The following GRIK1 variants were observed in gnomAD, a reference collection of about 807,000 sequenced individuals.
The protein encoded by GRIK1 is glutamate ionotropic receptor kainate type subunit 1.
A neutral mutation model predicts 105.7 loss-of-function variants in GRIK1; 69 were observed. That is an observed-to-expected ratio of 0.65 (90% CI 0.54 to 0.80). GRIK1 has a LOEUF of 0.80. Among genes scored for constraint, GRIK1 ranks in the 30% least tolerant of loss-of-function variants. The pLI is 0.00. For synonymous variants in GRIK1, 438 were observed against 431.3 expected (o/e 1.02, Z -0.19); for missense variants, 1,109 against 1,167.3 (o/e 0.95, Z 0.73).
intron 8 of GRIK1, 155 bp from the exon 9 acceptor site, chr21:29,596,725 T>G (rs1185809958): frequency 1.5e-6 from 1 of 672,018 alleles, no homozygotes; most frequent in African/African-American, 1.8e-5. Flanking sequence ...AGCCTGACAA[T>G]AGGTACAGCA....
chr21:29,768,073 T>G (rs906727781), intron 1 of GRIK1, among the ~76,000 whole-genome samples: 5 of 152,114 alleles, frequency 3.3e-5, no homozygotes, highest in African/African-American at 1.2e-4. Flanking sequence ...GAGCAAAAAG[T>G]GCTTTCCCTC....
At chr21:29,897,266 T>G (rs2070204722) in intron 1 of GRIK1, among the ~76,000 whole-genome samples, 1 of 152,094 alleles carries the variant, frequency 6.6e-6, no homozygotes, top group South Asian at 2.1e-4. Context: ...AGAGGCAGAG[T>G]GAATTTCAAG....
At chr21:29,562,680 C>T (rs1372627629) in intron 14 of GRIK1, among the ~76,000 whole-genome samples, 2 of 151,798 alleles carry the variant, frequency 1.3e-5, no homozygotes, top group Non-Finnish European at 2.9e-5. Context: ...GAAAAATCTT[C>T]ATACTGTATT....
intron 1 of GRIK1, among the ~76,000 whole-genome samples, chr21:29,935,648 A>G (rs2071722419): frequency 6.6e-6 from 1 of 152,334 alleles, no homozygotes; most frequent in African/African-American, 2.4e-5. Context: ...GTGAACAATG[A>G]TATTGTCACT....
intron 1 of GRIK1, among the ~76,000 whole-genome samples, chr21:29,897,926 C>T (rs1469260295): frequency 6.6e-6 from 1 of 152,092 alleles, no homozygotes; most frequent in Non-Finnish European, 1.5e-5. Context: ...TAGACTTGAA[C>T]AATTGTGTAA....
At chr21:29,867,886 A>AAGAGAGAGAG (rs748327047) in intron 1 of GRIK1, among the ~76,000 whole-genome samples, 59 of 129,032 alleles carry the variant, frequency 4.6e-4, no homozygotes, top group African/African-American at 6.0e-4. Context: ...AAGAGAGAGA[A>AAGAGAGAGAG]AGAGAGAGAG....
chr21:29,584,533 ATT>A (rs1205314098), intron 12 of GRIK1, among the ~76,000 whole-genome samples: 1 of 152,198 alleles, frequency 6.6e-6, no homozygotes, highest in African/African-American at 2.4e-5. Flanking sequence ...GTAATTAAAT[ATT>A]GTTTTCCTTA....
intron 1 of GRIK1, among the ~76,000 whole-genome samples, chr21:29,702,062 G>T (rs977640549): frequency 2.0e-5 from 3 of 152,106 alleles, no homozygotes; most frequent in Non-Finnish European, 4.4e-5. Flanking sequence ...CAAAGACCAC[G>T]TGTTCTCATG....
At chr21:29,726,392 C>A (rs1271772105) in intron 1 of GRIK1, among the ~76,000 whole-genome samples, 1 of 152,142 alleles carries the variant, frequency 6.6e-6, no homozygotes, top group South Asian at 2.1e-4. Flanking sequence ...CATGCACACA[C>A]ACACCCCTTC....
intron 1 of GRIK1, among the ~76,000 whole-genome samples, chr21:29,764,705 A>G (rs1047111233): frequency 1.3e-5 from 2 of 152,190 alleles, no homozygotes; most frequent in Non-Finnish European, 2.9e-5. Context: ...TCATAAGATA[A>G]CTGATTTCTA....
intron 15 of GRIK1, among the ~76,000 whole-genome samples, chr21:29,558,696 A>G (rs1420896440): frequency 6.7e-6 from 1 of 149,228 alleles, no homozygotes; most frequent in Admixed American, 6.7e-5. Context: ...ATCTCTCTGT[A>G]TTATATGTAT....
intron 1 of GRIK1, among the ~76,000 whole-genome samples, chr21:29,772,510 A>G (rs1217851766): frequency 1.3e-5 from 2 of 152,196 alleles, no homozygotes; most frequent in Non-Finnish European, 2.9e-5. Context: ...CTACAAAGAC[A>G]TAGTCTTCTA....
intron 4 of GRIK1, among the ~76,000 whole-genome samples, chr21:29,671,442 A>G (rs913775777): frequency 1.3e-5 from 2 of 151,724 alleles, no homozygotes; most frequent in Admixed American, 6.6e-5. Flanking sequence ...TCCAGCACAT[A>G]ATAGAAACAT....
chr21:29,811,757 G>A (rs1362308462), intron 1 of GRIK1, among the ~76,000 whole-genome samples: 1 of 152,064 alleles, frequency 6.6e-6, no homozygotes, highest in Non-Finnish European at 1.5e-5. Flanking sequence ...GCTTTAACCT[G>A]CCTGCTTATC....
intron 1 of GRIK1, among the ~76,000 whole-genome samples, chr21:29,898,936 C>T (rs1246480638): frequency 5.9e-5 from 9 of 151,622 alleles, no homozygotes; most frequent in Admixed American, 5.9e-4. Context: ...CACGTCATTG[C>T]ACTCCAGCCT....
At chr21:29,773,520 T>G (rs2065865375) in intron 1 of GRIK1, among the ~76,000 whole-genome samples, 1 of 152,132 alleles carries the variant, frequency 6.6e-6, no homozygotes, top group Admixed American at 6.6e-5. Flanking sequence ...CGTGAAATGT[T>G]TCCTTCTGCC....
chr21:29,756,103 C>A (rs750930884), intron 1 of GRIK1, among the ~76,000 whole-genome samples: 1 of 152,148 alleles, frequency 6.6e-6, no homozygotes, highest in Admixed American at 6.5e-5. Flanking sequence ...ATAAACGGGC[C>A]GGGCGCGGTG....
At chr21:29,652,693 T>A (rs999020294) in intron 5 of GRIK1, among the ~76,000 whole-genome samples, 1 of 152,220 alleles carries the variant, frequency 6.6e-6, no homozygotes, top group Non-Finnish European at 1.5e-5. Context: ...TTAAAATATA[T>A]CACATTTCAG....
intron 3 of GRIK1, among the ~76,000 whole-genome samples, chr21:29,680,320 A>G (rs1021402290): frequency 6.6e-6 from 1 of 152,238 alleles, no homozygotes; most frequent in African/African-American, 2.4e-5. Flanking sequence ...AAAAACTTTC[A>G]AATGGGGAAC....
Sources: allele counts gnomAD v4.1 joint callset (sites outside exome capture counted in the v4.1 genomes callset), GRCh38; gene constraint gnomAD v4.1.1; transcripts MANE v1.5; gene names NCBI Gene and HGNC (gene_info 2026-07-23, HGNC 2026-07-21).